ARID1B: variants seen among roughly 807,000 people sequenced by gnomAD.
The protein encoded by ARID1B is AT-rich interactive domain-containing protein 1B.
In ARID1B, 30 loss-of-function variants were observed where a neutral mutation model predicts 212.3. The ratio of observed to expected loss-of-function variants is 0.14; its 90% CI spans 0.11 to 0.19. The LOEUF (loss-of-function observed/expected upper bound fraction) is 0.19, where lower values mean the gene tolerates loss of function less well. Among genes scored for constraint, ARID1B ranks in the 10% least tolerant of loss-of-function variants. ARID1B has a pLI of 1.00. For synonymous variants in ARID1B, 1,402 were observed against 1,301.7 expected (o/e 1.08, Z -1.66); for missense variants, 2,891 against 3,204.0 (o/e 0.90, Z 2.36).
chr6:156,947,855 T>C (rs548815093), intron 4 of ARID1B, among the ~76,000 whole-genome samples: 22 of 152,342 alleles, frequency 1.4e-4, no homozygotes, highest in African/African-American at 4.3e-4. Flanking sequence ...CAAGAAAAAT[T>C]AAAATTAATG....
intron 1 of ARID1B, among the ~76,000 whole-genome samples, chr6:156,807,616 G>A (rs1255766861): frequency 1.3e-5 from 2 of 151,946 alleles, no homozygotes; most frequent in African/African-American, 2.4e-5. Context: ...GTGTCTTTTA[G>A]TTGATTTTAA....
intron 4 of ARID1B, among the ~76,000 whole-genome samples, chr6:157,028,822 C>T (rs1245360601): frequency 6.6e-6 from 1 of 152,194 alleles, no homozygotes; most frequent in Non-Finnish European, 1.5e-5. Context: ...CTGTCAGTCT[C>T]CTTTACAATC....
chr6:157,205,309 CG>C (rs1349319997), intron 19 of ARID1B: 1 of 152,208 alleles, frequency 6.6e-6, no homozygotes, highest in East Asian at 1.9e-4. Context: ...GAACATCTAC[CG>C]GGAAAGAATC....
At chr6:157,085,016 A>G in intron 5 of ARID1B, 111 bp downstream of exon 5, 1 of 1,358,026 alleles carries the variant, frequency 7.4e-7, no homozygotes, top group Non-Finnish European at 9.9e-7. Context: ...GCCACATATT[A>G]AGAGTATAAC....
chr6:156,777,008 G>C (rs1778660130), upstream of ARID1B: 1 of 152,284 alleles, frequency 6.6e-6, no homozygotes, highest in South Asian at 2.1e-4. Flanking sequence ...TAACCTCTGA[G>C]GCCAATAGAC....
rs544939264 is a variant in ARID1B, at chr6:157,052,487, G to C, written c.2248-32175G>C. Reference sequence around the variant, plus strand: ...TTGCACATTCCTTGTGAAACAAAGTGAAGTTTCCTATGGATATTTTCATCA... The same window carrying C: ...TTGCACATTCCTTGTGAAACAAAGTCAAGTTTCCTATGGATATTTTCATCA... On this transcript the variant is annotated intron_variant, in intron 4 of 19. Transcript: ENST00000636930. 1.4e-4 allele frequency among the ~76,000 whole-genome samples: 22 copies of C among 152,314 alleles called. 1 individual carries two copies. In the South Asian group the frequency reaches 4.6e-3, roughly 32 times the overall value.
intron 4 of ARID1B, among the ~76,000 whole-genome samples, chr6:156,986,267 A>T (rs1777910720): frequency 6.6e-6 from 1 of 152,168 alleles, no homozygotes; most frequent in South Asian, 2.1e-4. Context: ...CTGTATGGGA[A>T]GGTATTGGAT....
At chr6:156,798,262 C>T (rs762037429) in intron 1 of ARID1B, among the ~76,000 whole-genome samples, 3 of 152,210 alleles carry the variant, frequency 2.0e-5, no homozygotes, top group Non-Finnish European at 4.4e-5. Flanking sequence ...TCCTCCTCTC[C>T]GGTGGGCCTG....
At position 156,997,507 on chromosome 6, in the gene ARID1B, A is replaced by G. The variant is rs551676984; in HGVS notation, c.2247+61931A>G. On this transcript the variant is annotated intron_variant, in intron 4 of 19. Transcript: ENST00000636930. ...AGCTTTCGGGATGTTTTCTCTTATTATCTTATTAAATATTTACAATTACCA... is the reference window on the plus strand; with the variant it reads ...AGCTTTCGGGATGTTTTCTCTTATTGTCTTATTAAATATTTACAATTACCA... Among the ~76,000 whole-genome samples, 6 of 152,268 alleles carry G rather than the reference A, an allele frequency of 3.9e-5. No individual in the cohort carries two copies. In the South Asian group the frequency reaches 1.2e-3, roughly 32 times the overall value.
chr6:157,174,371 A>G, intron 10 of ARID1B: 1 of 353,222 alleles, frequency 2.8e-6, no homozygotes, highest in Non-Finnish European at 5.1e-6. Context: ...CCACCTAAGA[A>G]AAATGCTTCG....
intron 4 of ARID1B, among the ~76,000 whole-genome samples, chr6:156,959,125 C>G (rs373769534): frequency 6.6e-6 from 1 of 152,064 alleles, no homozygotes; most frequent in East Asian, 1.9e-4. Context: ...TTGGGAAGAC[C>G]ACTTGGCTTG....
chr6:156,969,326 A>G (rs1393437636), intron 4 of ARID1B, among the ~76,000 whole-genome samples: 1 of 152,186 alleles, frequency 6.6e-6, no homozygotes, highest in African/African-American at 2.4e-5. Context: ...GTCTGGGCTT[A>G]ACTTGTACCC....
At chr6:156,873,679 G>A (rs2128150552) in intron 2 of ARID1B, among the ~76,000 whole-genome samples, 1 of 152,354 alleles carries the variant, frequency 6.6e-6, no homozygotes, top group Non-Finnish European at 1.5e-5. Context: ...GAGCTTTACT[G>A]CAGTACCTGT....
intron 18 of ARID1B, among the ~76,000 whole-genome samples, chr6:157,202,815 GAGA>G (rs536275212): frequency 6.6e-6 from 1 of 151,144 alleles, no homozygotes; most frequent in South Asian, 2.1e-4. Flanking sequence ...TGCAGAGGGA[GAGA>G]AGGAGACACA....
chr6:157,206,605 G>A lies in ARID1B; in HGVS notation c.5833G>A (p.Gly1945Ser), dbSNP rs1218816452. ...TAGTGGCCTTCTGCACTGGCAGCTC[G>A]GCGGGGGTGACACCACCGAGCACAT... ...FNSGLLHWQL[G>S]GGDTTEHIQT... Residue 1945 changes from glycine (G) to serine (S), a missense_variant, in exon 20 of 20, where the codon GGC becomes AGC. Physicochemically the swap from Gly to Ser is moderately conservative, Grantham distance 56. Transcript: ENST00000636930. This position sits in a 1 kb window ranked among gnomAD's most constrained non-coding sequence, Gnocchi z 6.8. The A allele has an allele frequency of 3.1e-6, 5 of 1,613,816 alleles. No homozygotes were observed. Among genetic ancestry groups the A allele is most frequent in the Non-Finnish European group, 2.5e-6 (3 of 1,179,960 alleles).
In ARID1B at chr6:157,168,218, G is replaced by A. The variant is rs141355492; in HGVS notation, c.3235+1033G>A. The A allele has an allele frequency of 1.8e-3, 276 of 152,318 alleles. 4 individuals carry two copies. Among genetic ancestry groups the A allele is most frequent in the African/African-American group, 6.5e-3 (269 of 41,562 alleles). The allele number at this position is 152,318 out of a possible 1,614,324, so 9.4% of individuals were successfully genotyped here. ...GCTCGCCTCCTGTCTGAGCTTCTGC[G>A]TCGTTGATTTCTAGGACCTAATTGA... On this transcript the variant is annotated intron_variant, in intron 9 of 19. Transcript: ENST00000636930.
intron 4 of ARID1B, among the ~76,000 whole-genome samples, chr6:156,948,708 G>A (rs1004969449): frequency 2.6e-5 from 4 of 152,146 alleles, no homozygotes; most frequent in African/African-American, 9.7e-5. Flanking sequence ...TATATTAGAT[G>A]TAAAGAAAAA....
chr6:157,156,901 C>T (rs1292724619), intron 8 of ARID1B, among the ~76,000 whole-genome samples: 1 of 152,206 alleles, frequency 6.6e-6, no homozygotes, highest in African/African-American at 2.4e-5. Flanking sequence ...ACAGGGCTCG[C>T]ACTGGGAGCA....
At chr6:157,043,574 G>A (rs1782027076) in intron 4 of ARID1B, among the ~76,000 whole-genome samples, 1 of 152,014 alleles carries the variant, frequency 6.6e-6, no homozygotes, top group Non-Finnish European at 1.5e-5. Context: ...ACTTTCACAT[G>A]GTAAACAGTG....
Sources: gnomAD v4.1 joint callset for allele counts (sites outside exome capture counted in the v4.1 genomes callset) on GRCh38, gnomAD v4.1.1 for gene constraint, Gnocchi (gnomAD v3.1) non-coding constraint, MANE v1.5 for transcripts, NCBI Gene and HGNC (gene_info 2026-07-23, HGNC 2026-07-21) for gene names.